Variants in SYNE2 observed in about 807,000 individuals in gnomAD.
SYNE2 encodes the protein nesprin-2.
Under a neutral mutation model 856.3 loss-of-function variants are expected in SYNE2, and 431 were observed. That is an observed-to-expected ratio of 0.50 (90% CI 0.47 to 0.55). The LOEUF (loss-of-function observed/expected upper bound fraction) is 0.55. Ranked by LOEUF, SYNE2 falls within the 20% of genes least tolerant of loss-of-function variation. The pLI, the probability that SYNE2 is intolerant of heterozygous loss-of-function variation, is 0.00. For synonymous variants in SYNE2, 2,923 were observed against 2,872.3 expected (o/e 1.02, Z -0.56); for missense variants, 8,129 against 8,023.2 (o/e 1.01, Z -0.50).
At chr14:63,967,935 G>A in intron 11 of SYNE2, 89 bp downstream of exon 11, 4 of 1,314,498 alleles carry the variant, frequency 3.0e-6, no homozygotes, top group Non-Finnish European at 3.3e-6. Context: ...GACCAAGGCG[G>A]GTGGATCACT....
intron 65 of SYNE2, among the ~76,000 whole-genome samples, chr14:64,110,749 T>G (rs1254434504): frequency 6.6e-6 from 1 of 152,014 alleles, no homozygotes; most frequent in Non-Finnish European, 1.5e-5. Flanking sequence ...CTGTGTGACC[T>G]TGGGTTAGTA....
At chr14:63,885,810 C>G (rs192654840) in intron 1 of SYNE2, among the ~76,000 whole-genome samples, 1 of 152,188 alleles carries the variant, frequency 6.6e-6, no homozygotes, top group Admixed American at 6.5e-5. Flanking sequence ...CAACAATATT[C>G]AGCTTGCATT....
intron 1 of SYNE2, among the ~76,000 whole-genome samples, chr14:63,813,452 A>G (rs1400492197): frequency 1.3e-5 from 2 of 152,206 alleles, no homozygotes; most frequent in Non-Finnish European, 2.9e-5. Context: ...TCTCCAAACA[A>G]ACATGTCCAA....
At chr14:63,851,172 C>T (rs774029791), upstream of SYNE2, among the ~76,000 whole-genome samples, 1 of 152,080 alleles carries the variant, frequency 6.6e-6, no homozygotes, top group Non-Finnish European at 1.5e-5. Context: ...ACCAGCCTGG[C>T]CAAGATGGTG....
At chr14:64,216,728 TTTG>T (rs1039489041) in intron 108 of SYNE2, among the ~76,000 whole-genome samples, 93 of 152,232 alleles carry the variant, frequency 6.1e-4, no homozygotes, top group Non-Finnish European at 1.1e-3. Context: ...CCTTTGTCTT[TTTG>T]TTGTTGTTGT....
At chr14:64,001,812 C>A in intron 28 of SYNE2, 122 bp from the exon 29 acceptor site, 1 of 1,080,004 alleles carries the variant, frequency 9.3e-7, no homozygotes. Flanking sequence ...ATGTATATAT[C>A]ATTGTATGTC....
chr14:64,158,909 T>C lies in SYNE2; in HGVS notation c.15963+114T>C, dbSNP rs1208669038. 3 of 1,135,052 alleles carry C rather than the reference T, an allele frequency of 2.6e-6. No individual in the cohort carries two copies. The African/African-American group carries it at 4.6e-5, about 17-fold the overall frequency. 70.3% of individuals were successfully genotyped at this position (1,135,052 alleles called of 1,614,324 possible). ...CCCTCCCACAGAGAAGCACAAAGCA[T>C]GTTAAATAGCAGTTTCAAAAGAATA... On this transcript the variant is annotated intron_variant, in intron 86 of 115. Transcript: ENST00000555002.
At chr14:63,806,577 G>C (rs886383138) in intron 1 of SYNE2, among the ~76,000 whole-genome samples, 1 of 151,884 alleles carries the variant, frequency 6.6e-6, no homozygotes, top group Non-Finnish European at 1.5e-5. Context: ...GTTTGTTAAG[G>C]GTTTCAGTTT....
rs753053699 is a variant in SYNE2 at position 64,209,477 on chromosome 14, C to T, written c.18439C>T (p.Arg6147Cys). 6 of 1,614,096 alleles carry T rather than the reference C, an allele frequency of 3.7e-6. No homozygotes were observed. The highest frequency in any genetic ancestry group is 4.5e-5 in the East Asian group (2 of 44,900). Residue 6147 changes from arginine to cysteine, a missense_variant, in exon 102 of 116, where the codon CGC (arginine) becomes TGC (cysteine). Arg to Cys is a radical substitution (Grantham distance 180, BLOSUM62 -3). This residue lies in a region of SYNE2 where 5,410 missense variants were observed against 5,284.8 expected (regional missense o/e 1.02). Transcript: ENST00000555002. The stretch of plus-strand genomic sequence containing the variant: ...GCAGAAGTTTTTAGACGACTATTCT[C>T]GCTTTGAGGACTGGCTCAAGTCAGC... ...LWQKFLDDYSRFEDWLKSAER... is the reference protein window; with the variant it reads ...LWQKFLDDYSCFEDWLKSAER...
rs201429908 is a variant in SYNE2, at chr14:64,141,496, T to A, written c.15132T>A (p.Leu5044=). Reference sequence around the variant, plus strand: ...AATGGACAATGCTCATAACTCAACTTCCAGATATTCAAGAAAAACTTCACC... The same window carrying A: ...AATGGACAATGCTCATAACTCAACTACCAGATATTCAAGAAAAACTTCACC... ...EQKWTMLITQ[L]PDIQEKLHQL... is the part of the protein sequence containing the mutation. Residue 5044 remains leucine (L), a synonymous_variant, in exon 81 of 116, where the codon CTT becomes CTA. Transcript: ENST00000555002. 1.7e-4 allele frequency: 279 copies of A among 1,613,900 alleles called. 1 individual carries two copies. Among genetic ancestry groups the A allele is most frequent in the Admixed American group, 8.7e-4 (52 of 60,002 alleles).
Position 64,158,625 on chromosome 14 carries a change from G to A in SYNE2, c.15793G>A (p.Val5265Ile). ...CAGTACGTTTCCACTTTTTGTCTAGGTCAATCAGCTCAAAACCTCCATGCA... is the reference window on the plus strand; with the variant it reads ...CAGTACGTTTCCACTTTTTGTCTAGATCAATCAGCTCAAAACCTCCATGCA... ...FQKRSSVLTQVNQLKTSMQSV... is the reference protein window; with the variant it reads ...FQKRSSVLTQINQLKTSMQSV... Residue 5265 changes from valine to isoleucine, a missense_variant and splice_region_variant, in exon 86 of 116, where the codon GTC becomes ATC. Around this residue, in one of 3 missense-constraint regions of SYNE2, gnomAD observed 5,410 missense variants for 5,284.8 expected, o/e 1.02. Transcript: ENST00000555002. 1 of 1,613,726 alleles carries A rather than the reference G, an allele frequency of 6.2e-7. No homozygotes were observed. Among genetic ancestry groups the A allele is most frequent in the Non-Finnish European group, 8.5e-7 (1 of 1,179,808 alleles).
In SYNE2 at chr14:64,224,067, G is replaced by A. The variant is rs550261737; in HGVS notation, c.20383-394G>A. Among the ~76,000 whole-genome samples, 17 of 151,816 alleles carry A rather than the reference G, an allele frequency of 1.1e-4. No homozygotes were observed. In the South Asian group the frequency reaches 2.3e-3, roughly 20 times the overall value. ...GCCCCTTCAGGAAAGATTTAAGGCTGGGCACAGTGGCTAATGCCTATAATC... is the reference window on the plus strand; with the variant it reads ...GCCCCTTCAGGAAAGATTTAAGGCTAGGCACAGTGGCTAATGCCTATAATC... On this transcript the variant is annotated intron_variant, in intron 113 of 115. Coordinates refer to ENST00000555002, the MANE Select transcript of SYNE2 (RefSeq NM_182914.3).
At chr14:63,848,837 C>T (rs1379187992), upstream of SYNE2, among the ~76,000 whole-genome samples, 6 of 152,224 alleles carry the variant, frequency 3.9e-5, no homozygotes, top group East Asian at 1.9e-4. Context: ...CCAGGCTCCA[C>T]GCTTGGCACT....
chr14:64,140,024 A>T lies in SYNE2; in HGVS notation c.14927A>T (p.Asn4976Ile), dbSNP rs148883036. Reference protein sequence around the residue: ...TLNYWKEQSLNVSQDLDTIRS... With the variant: ...TLNYWKEQSLIVSQDLDTIRS... Reference sequence around the variant, plus strand: ...AATTACTGGAAAGAACAGTCCCTCAATGTGTCTCAGGACTTGGATACAATC... The same window carrying T: ...AATTACTGGAAAGAACAGTCCCTCATTGTGTCTCAGGACTTGGATACAATC... The change falls in exon 80 of 116, where the codon AAT becomes ATT. Residue 4976 changes from asparagine (N) to isoleucine (I), a missense_variant. Asn to Ile is a moderately radical substitution (Grantham distance 149, BLOSUM62 -3). Around this residue, in one of 3 missense-constraint regions of SYNE2, gnomAD observed 5,410 missense variants for 5,284.8 expected, o/e 1.02. Coordinates refer to ENST00000555002, the MANE Select transcript of SYNE2 (RefSeq NM_182914.3). 5 of 1,613,914 alleles carry T rather than the reference A, an allele frequency of 3.1e-6. No homozygotes were observed. The South Asian group carries it at 5.5e-5, about 18-fold the overall frequency.
chr14:64,104,809 C>A (rs2097760853), intron 64 of SYNE2, among the ~76,000 whole-genome samples: 1 of 152,112 alleles, frequency 6.6e-6, no homozygotes, highest in Admixed American at 6.5e-5. Context: ...CACCTCTATG[C>A]CAGTGATTAC....
intron 1 of SYNE2, among the ~76,000 whole-genome samples, chr14:63,830,351 A>G (rs1407139244): frequency 6.6e-6 from 1 of 152,004 alleles, no homozygotes; most frequent in Non-Finnish European, 1.5e-5. Flanking sequence ...TAGCTATTAA[A>G]TTGTATACTT....
intron 41 of SYNE2, among the ~76,000 whole-genome samples, chr14:64,026,282 A>G (rs955677257): frequency 2.6e-5 from 4 of 152,194 alleles, no homozygotes; most frequent in Non-Finnish European, 5.9e-5. Context: ...CTCCATCCAT[A>G]AATAATAGAG....
chr14:64,127,502 T>C (rs2097959485), intron 73 of SYNE2, among the ~76,000 whole-genome samples: 1 of 152,220 alleles, frequency 6.6e-6, no homozygotes, highest in Admixed American at 6.5e-5. Context: ...TTTCTTGTAT[T>C]ACATTTAGCC....
intron 53 of SYNE2, among the ~76,000 whole-genome samples, chr14:64,074,501 C>T (rs2097441147): frequency 6.6e-6 from 1 of 152,214 alleles, no homozygotes; most frequent in African/African-American, 2.4e-5. Flanking sequence ...GGTCTATGTA[C>T]ACCCTACAGG....
Sources: gnomAD v4.1 joint callset for allele counts (sites outside exome capture counted in the v4.1 genomes callset) on GRCh38, gnomAD v4.1.1 for gene constraint, gnomAD v4.1.1 regional missense constraint, MANE v1.5 for transcripts, NCBI Gene and HGNC (gene_info 2026-07-23, HGNC 2026-07-21) for gene names.